Variants in OPCML observed in about 807,000 individuals in gnomAD.
OPCML encodes the protein opioid-binding protein/cell adhesion molecule.
In OPCML, 13 loss-of-function variants were observed where a neutral mutation model predicts 37.8. That is an observed-to-expected ratio of 0.34 (90% confidence interval 0.22 to 0.55). OPCML has a LOEUF of 0.55. OPCML is among the 20% of genes least tolerant of loss of function. The pLI, the probability that OPCML is intolerant of heterozygous loss-of-function variation, is 0.91. For missense variants in OPCML, 341 were observed against 435.6 expected, an observed-to-expected ratio of 0.78 and a Z score of 1.93; for synonymous variants, 176 against 168.8, an observed-to-expected ratio of 1.04 and a Z score of -0.33.
At chr11:133,452,591 T>A (rs1946601763) in intron 1 of OPCML, among the ~76,000 whole-genome samples, 1 of 151,364 alleles carries the variant, frequency 6.6e-6, no homozygotes, top group South Asian at 2.1e-4. Flanking sequence ...GTAGGAGGAT[T>A]GCTTGAGCCC....
chr11:133,396,779 G>A (rs1028950977), intron 1 of OPCML, among the ~76,000 whole-genome samples: 3 of 152,056 alleles, frequency 2.0e-5, no homozygotes, highest in Admixed American at 1.3e-4. Flanking sequence ...ATCTTTGTGT[G>A]CTCAACCTAG....
At chr11:133,160,510 C>G (rs574097530) in intron 1 of OPCML, among the ~76,000 whole-genome samples, 1 of 152,242 alleles carries the variant, frequency 6.6e-6, no homozygotes, top group Non-Finnish European at 1.5e-5. Context: ...TGGAGCTAAG[C>G]ATGACTTGTC....
intron 2 of OPCML, among the ~76,000 whole-genome samples, chr11:132,658,812 G>A (rs879884756): frequency 6.6e-6 from 1 of 152,128 alleles, no homozygotes; most frequent in African/African-American, 2.4e-5. Flanking sequence ...AGCACCCCAT[G>A]GTGATTTGCT....
chr11:133,019,437 T>C (rs567334965), intron 1 of OPCML, among the ~76,000 whole-genome samples: 1 of 152,176 alleles, frequency 6.6e-6, no homozygotes, highest in South Asian at 2.1e-4. Context: ...TGTCTCTCCA[T>C]GCGGACACCA....
chr11:133,532,380 CCG>C lies in OPCML; in HGVS notation c.-58_-57del. The C allele has an allele frequency of 6.4e-7, 1 of 1,570,422 alleles. No homozygotes were observed. The highest frequency in any genetic ancestry group is 1.1e-5 in the South Asian group (1 of 87,680). On this transcript the variant is annotated 5_prime_UTR_variant, in exon 1 of 8. Transcript: ENST00000524381. Reference sequence around the variant, plus strand: ...CTTGCTACTGCTTCTGCTGCTGCTACCGCTGCTGCCTTCCTCTGTGCTGAATT... The same window carrying C: ...CTTGCTACTGCTTCTGCTGCTGCTACCTGCTGCCTTCCTCTGTGCTGAATT...
intron 2 of OPCML, among the ~76,000 whole-genome samples, chr11:132,939,840 C>G (rs1175502828): frequency 6.6e-6 from 1 of 152,196 alleles, no homozygotes; most frequent in Non-Finnish European, 1.5e-5. Flanking sequence ...TTCAACCCAA[C>G]AGCAGATAAT....
At chr11:132,505,502 AGGC>A (rs2096254779) in intron 4 of OPCML, among the ~76,000 whole-genome samples, 2 of 146,160 alleles carry the variant, frequency 1.4e-5, no homozygotes, top group Non-Finnish European at 3.1e-5. Flanking sequence ...CTTCAGGAAA[AGGC>A]TGCTTAAGGG....
intron 2 of OPCML, among the ~76,000 whole-genome samples, chr11:132,881,277 A>T (rs1022797966): frequency 4.6e-5 from 7 of 152,362 alleles, no homozygotes; most frequent in African/African-American, 1.4e-4. Context: ...CCAGAAGCAG[A>T]TGCTGAATTG....
chr11:133,119,858 G>A (rs958869110), intron 1 of OPCML, among the ~76,000 whole-genome samples: 5 of 152,174 alleles, frequency 3.3e-5, no homozygotes, highest in Admixed American at 2.0e-4. Context: ...GGGCGGTGGA[G>A]CAGGTAGCGG....
chr11:132,978,091 C>A (rs545131447), intron 1 of OPCML, among the ~76,000 whole-genome samples: 3 of 152,088 alleles, frequency 2.0e-5, no homozygotes, highest in Non-Finnish European at 4.4e-5. Context: ...GAAATAAATA[C>A]CGGATGCCGG....
chr11:133,257,759 C>A (rs1941361250), intron 1 of OPCML, among the ~76,000 whole-genome samples: 2 of 152,142 alleles, frequency 1.3e-5, no homozygotes. Context: ...GCCAACCATT[C>A]ATTCATCATC....
chr11:132,890,856 C>CAAAAAAAAAAAA (rs57246769), intron 2 of OPCML, among the ~76,000 whole-genome samples: 2 of 46,472 alleles, frequency 4.3e-5, no homozygotes, highest in African/African-American at 1.3e-4. Context: ...GACTCCATCT[C>CAAAAAAAAAAAA]AAAAAAAAAA....
intron 1 of OPCML, among the ~76,000 whole-genome samples, chr11:133,155,431 T>G (rs1950045375): frequency 6.6e-6 from 1 of 152,150 alleles, no homozygotes. Context: ...TTCTGACCAC[T>G]CTGTCCTCCA....
chr11:133,428,176 G>A (rs1165672714), intron 1 of OPCML, among the ~76,000 whole-genome samples: 4 of 152,098 alleles, frequency 2.6e-5, no homozygotes, highest in Non-Finnish European at 4.4e-5. Flanking sequence ...GGTAATATTA[G>A]CTCAACTGAT....
At chr11:132,534,056 G>A (rs2096333602) in intron 3 of OPCML, among the ~76,000 whole-genome samples, 1 of 152,086 alleles carries the variant, frequency 6.6e-6, no homozygotes, top group South Asian at 2.1e-4. Context: ...ATCTTTTAAT[G>A]TGTCAAGTGT....
chr11:132,543,757 C>T lies in OPCML; in HGVS notation c.380-14571G>A, dbSNP rs181539115. 2.3e-3 allele frequency among the ~76,000 whole-genome samples: 352 copies of T among 152,148 alleles called. 3 individuals are homozygous for T. Among genetic ancestry groups the T allele is most frequent in the African/African-American group, 8.0e-3 (331 of 41,524 alleles). On this transcript the variant is annotated intron_variant, in intron 3 of 7. Coordinates refer to ENST00000524381, the MANE Select transcript of OPCML (RefSeq NM_001012393.5). ...CATAAGCCAAGTTTAGCCATATATA[C>T]CGCCACGTTTTTTCCCCCACTCACT...
intron 1 of OPCML, among the ~76,000 whole-genome samples, chr11:133,292,436 G>A (rs1036848500): frequency 2.0e-5 from 3 of 152,010 alleles, no homozygotes; most frequent in Non-Finnish European, 4.4e-5. Context: ...GTAGCTATGC[G>A]GCGATCCCTT....
rs145811156 is a variant in OPCML, at chr11:132,830,088, A to T, written c.146+112838T>A. 9.6e-3 allele frequency among the ~76,000 whole-genome samples: 1,467 copies of T among 152,064 alleles called. 16 individuals carry two copies. Among genetic ancestry groups the T allele is most frequent in the Non-Finnish European group, 0.018 (1,199 of 67,994 alleles). ...TAGCCGAATAGAATCTTATGGGATTACTCTTTTCCCCCAATCTGTATTATT... is the reference window on the plus strand; with the variant it reads ...TAGCCGAATAGAATCTTATGGGATTTCTCTTTTCCCCCAATCTGTATTATT... On this transcript the variant is annotated intron_variant, in intron 2 of 7. Coordinates refer to ENST00000524381, the MANE Select transcript of OPCML (RefSeq NM_001012393.5).
At chr11:132,988,702 G>A (rs529630373) in intron 1 of OPCML, among the ~76,000 whole-genome samples, 3 of 152,300 alleles carry the variant, frequency 2.0e-5, no homozygotes, top group African/African-American at 4.8e-5. Context: ...GATTAAAGGC[G>A]ATGAGGTGAG....
Sources: gnomAD v4.1 joint callset for allele counts (sites outside exome capture counted in the v4.1 genomes callset) on GRCh38, gnomAD v4.1.1 for gene constraint, MANE v1.5 for transcripts, NCBI Gene and HGNC (gene_info 2026-07-23, HGNC 2026-07-21) for gene names.